The following ANKRD44 variants were observed in gnomAD, a reference collection of about 807,000 sequenced individuals.
The protein encoded by ANKRD44 is ankyrin repeat domain 44, also known as serine/threonine-protein phosphatase 6 regulatory ankyrin repeat subunit B.
ANKRD44 carries 35 observed loss-of-function variants against 116.0 expected under a neutral mutation model. The ratio of observed to expected loss-of-function variants is 0.30; its 90% confidence interval spans 0.23 to 0.40. The LOEUF is 0.40. Among genes scored for constraint, ANKRD44 ranks in the 10% least tolerant of loss-of-function variants. The pLI, the probability that ANKRD44 is intolerant of heterozygous loss-of-function variation, is 1.00. For synonymous variants in ANKRD44, 435 were observed against 461.8 expected (o/e 0.94, Z 0.74); for missense variants, 1,014 against 1,242.6 (o/e 0.82, Z 2.77).
chr2:197,250,643 T>C (rs184452576), intron 1 of ANKRD44, among the ~76,000 whole-genome samples: 9 of 152,374 alleles, frequency 5.9e-5, no homozygotes, highest in African/African-American at 2.2e-4. Context: ...ATACACCTTA[T>C]GTGCATTCTC....
intron 1 of ANKRD44, among the ~76,000 whole-genome samples, chr2:197,284,953 C>T (rs181297870): frequency 6.6e-6 from 1 of 151,328 alleles, no homozygotes; most frequent in African/African-American, 2.4e-5. Context: ...TCACTACTTA[C>T]AATAGAAATA....
chr2:197,150,871 T>A (rs751658185), intron 2 of ANKRD44, among the ~76,000 whole-genome samples: 2 of 151,920 alleles, frequency 1.3e-5, no homozygotes, highest in Non-Finnish European at 2.9e-5. Context: ...ACCCTTGAAG[T>A]GGCCTTGAAG....
intron 1 of ANKRD44, among the ~76,000 whole-genome samples, chr2:197,246,349 G>GTTT (rs1559181687): frequency 1.1e-4 from 1 of 8,942 alleles, no homozygotes; most frequent in South Asian, 5.7e-3. Flanking sequence ...ACTACATCTG[G>GTTT]CTTTTTTTTT....
chr2:197,000,267 A>C lies in ANKRD44; in HGVS notation c.2519+152T>G, dbSNP rs2076090643. 3 of 626,754 alleles carry C rather than the reference A, an allele frequency of 4.8e-6. No homozygotes were observed. In the Admixed American group the frequency reaches 9.2e-5, roughly 19 times the overall value. 38.8% of individuals were successfully genotyped at this position (626,754 alleles called of 1,614,324 possible). On this transcript the variant is annotated intron_variant, in intron 23 of 27. Transcript: ENST00000282272. ...GCTAGGGATTCTAGGCTTAGAGGGA[A>C]ATTTATTTTAATTATACACCCTCTG...
intron 27 of ANKRD44, 93 bp from the exon 28 acceptor site, chr2:196,989,742 A>T: frequency 2.0e-6 from 3 of 1,522,722 alleles, no homozygotes; most frequent in Non-Finnish European, 2.7e-6. Flanking sequence ...ACCCATTTCT[A>T]CTTTCTGCTT....
intron 16 of ANKRD44, among the ~76,000 whole-genome samples, chr2:197,047,438 A>G (rs1038137086): frequency 6.6e-6 from 1 of 152,210 alleles, no homozygotes; most frequent in Non-Finnish European, 1.5e-5. Flanking sequence ...TAAAATGATC[A>G]CTTGAGTAAT....
At chr2:196,979,340 G>T (rs1201006451) in intron 21 of ANKRD44, among the ~76,000 whole-genome samples, 9 of 131,626 alleles carry the variant, frequency 6.8e-5, no homozygotes, top group Non-Finnish European at 1.4e-4. Context: ...CCAAGATCGC[G>T]CCACTGCACT....
At chr2:197,279,880 T>G (rs1467315823) in intron 1 of ANKRD44, among the ~76,000 whole-genome samples, 1 of 152,210 alleles carries the variant, frequency 6.6e-6, no homozygotes, top group African/African-American at 2.4e-5. Context: ...ATAAAGTTCC[T>G]GGGTACAGTG....
chr2:197,092,198 A>G (rs1340052422), intron 10 of ANKRD44, among the ~76,000 whole-genome samples: 4 of 152,214 alleles, frequency 2.6e-5, no homozygotes, highest in African/African-American at 9.6e-5. Flanking sequence ...ATTTTAATCA[A>G]ATAATACATT....
chr2:197,269,893 C>G (rs1386583613), intron 1 of ANKRD44, among the ~76,000 whole-genome samples: 1 of 152,160 alleles, frequency 6.6e-6, no homozygotes, highest in Non-Finnish European at 1.5e-5. Flanking sequence ...AGAGACATCT[C>G]AGACAAAGGG....
intron 2 of ANKRD44, among the ~76,000 whole-genome samples, chr2:197,184,480 A>G (rs188315038): frequency 6.6e-6 from 1 of 152,046 alleles, no homozygotes; most frequent in East Asian, 1.9e-4. Context: ...TGTCTCTACT[A>G]AAATATAAAA....
intron 16 of ANKRD44, among the ~76,000 whole-genome samples, chr2:197,064,106 G>A (rs1487622886): frequency 6.6e-6 from 1 of 152,218 alleles, no homozygotes; most frequent in Non-Finnish European, 1.5e-5. Flanking sequence ...TGATCTCTTG[G>A]CAGAAACTCT....
chr2:197,190,796 G>A (rs2080803952), intron 1 of ANKRD44, among the ~76,000 whole-genome samples: 1 of 152,156 alleles, frequency 6.6e-6, no homozygotes, highest in East Asian at 1.9e-4. Context: ...TGCAGCTTTT[G>A]TCTTAACTTA....
intron 1 of ANKRD44, among the ~76,000 whole-genome samples, chr2:197,188,488 C>CA (rs1015444672): frequency 1.9e-4 from 29 of 152,008 alleles, no homozygotes; most frequent in Admixed American, 1.4e-3. Flanking sequence ...GCCTGCATGG[C>CA]AAAAAATGCT....
chr2:197,119,278 C>A (rs2078797749), intron 8 of ANKRD44, among the ~76,000 whole-genome samples: 1 of 151,938 alleles, frequency 6.6e-6, no homozygotes, highest in South Asian at 2.1e-4. Context: ...ATCATATGAC[C>A]CCTAGAATGA....
intron 1 of ANKRD44, among the ~76,000 whole-genome samples, chr2:197,290,488 G>C (rs983077294): frequency 6.6e-6 from 1 of 152,034 alleles, no homozygotes; most frequent in Non-Finnish European, 1.5e-5. Context: ...GAAAAGACCA[G>C]TTGAAAACCA....
chr2:197,273,108 T>C (rs945318200), intron 1 of ANKRD44, among the ~76,000 whole-genome samples: 21 of 152,150 alleles, frequency 1.4e-4, no homozygotes, highest in African/African-American at 4.1e-4. Context: ...TTTGGGGCCA[T>C]TGAAAAGCTC....
At chr2:197,024,410 G>A (rs10427282) in intron 17 of ANKRD44, among the ~76,000 whole-genome samples, 104,941 of 151,820 alleles carry the variant, frequency 0.69, 40,508 homozygotes, top group East Asian at 0.97. Flanking sequence ...GCCTCGGGAA[G>A]GTGAGCTGGC....
intron 21 of ANKRD44, among the ~76,000 whole-genome samples, chr2:196,970,129 G>A (rs545576753): frequency 1.3e-5 from 2 of 152,134 alleles, no homozygotes; most frequent in African/African-American, 2.4e-5. Context: ...GTTAAAGCCC[G>A]TTTACTCTCT....
Sources: allele counts gnomAD v4.1 joint callset (sites outside exome capture counted in the v4.1 genomes callset), GRCh38; gene constraint gnomAD v4.1.1; transcripts MANE v1.5; gene names NCBI Gene and HGNC (gene_info 2026-07-23, HGNC 2026-07-21).